Variants in EIF4G3 observed in about 807,000 individuals in gnomAD.
The protein encoded by EIF4G3 is eIF-4-gamma 3.
Under a neutral mutation model 186.4 loss-of-function variants are expected in EIF4G3, and 34 were observed. That is an observed-to-expected ratio of 0.18 (90% CI 0.14 to 0.24). The LOEUF is 0.24. Among genes scored for constraint, EIF4G3 ranks in the 10% least tolerant of loss-of-function variants. The pLI is 1.00. For synonymous variants in EIF4G3, 673 were observed against 679.5 expected, an observed-to-expected ratio of 0.99 and a Z score of 0.15; for missense variants, 1,536 against 1,948.5, an observed-to-expected ratio of 0.79 and a Z score of 3.99.
At chr1:21,091,076 G>A (rs1054952780) in intron 2 of EIF4G3, among the ~76,000 whole-genome samples, 17 of 152,046 alleles carry the variant, frequency 1.1e-4, no homozygotes, top group East Asian at 1.9e-4. Flanking sequence ...CAAAGATACC[G>A]AACAGGATTT....
chr1:20,817,285 AAT>A lies in EIF4G3; in HGVS notation c.4515+105_4515+106del, dbSNP rs982354348. On this transcript the variant is annotated intron_variant, in intron 34 of 36. Coordinates refer to ENST00000602326, the MANE Select transcript of EIF4G3 (RefSeq NM_001391906.1). ...ATAAAAAAATAAATAAATAAAAAAA[AAT>A]AAAAATAAAAATTCATGAAGTGAAC... 27 of 385,618 alleles carry A rather than the reference AAT, an allele frequency of 7.0e-5. No homozygotes were observed. In the African/African-American group the frequency reaches 7.3e-4, roughly 10 times the overall value. 23.9% of individuals were successfully genotyped at this position (385,618 alleles called of 1,614,324 possible).
chr1:21,144,969 G>C (rs1461276891), intron 2 of EIF4G3, among the ~76,000 whole-genome samples: 1 of 152,104 alleles, frequency 6.6e-6, no homozygotes, highest in Non-Finnish European at 1.5e-5. Context: ...TTTTCTGCTA[G>C]CTAGAGTAAT....
At chr1:20,940,099 AC>A in intron 14 of EIF4G3, among the ~76,000 whole-genome samples, 1 of 151,506 alleles carries the variant, frequency 6.6e-6, no homozygotes, top group Admixed American at 6.6e-5. Context: ...CAGGCAATCC[AC>A]CTACCTCGGC....
At chr1:20,904,829 C>T (rs2091578646) in intron 15 of EIF4G3, 54 bp downstream of exon 15, 3 of 1,371,150 alleles carry the variant, frequency 2.2e-6, no homozygotes, top group Non-Finnish European at 3.1e-6. Context: ...AAACACATAC[C>T]TGTCTATGAA....
At chr1:21,010,419 C>CAAAAAAAAAAAA (rs11318361) in intron 4 of EIF4G3, among the ~76,000 whole-genome samples, 2 of 100,972 alleles carry the variant, frequency 2.0e-5, no homozygotes, top group East Asian at 3.5e-4. Flanking sequence ...GACTCTGTCT[C>CAAAAAAAAAAAA]AAAAAAAAAA....
intron 19 of EIF4G3, among the ~76,000 whole-genome samples, chr1:20,882,696 A>G (rs2082785537): frequency 6.6e-6 from 1 of 151,962 alleles, no homozygotes; most frequent in Admixed American, 6.6e-5. Context: ...AGTCCCAGCT[A>G]CTTGGAAGGC....
In EIF4G3 at chr1:20,810,949, C is replaced by T; in HGVS notation, c.4598-65G>A. ...TTAACATAGAATTATCTTTAATTTT[C>T]TTTCTTTTTTCTTTTTTTGAGACAG... On this transcript the variant is annotated intron_variant, in intron 35 of 36. Transcript: ENST00000602326. The surrounding 1 kb of genome is among the most constrained non-coding windows in gnomAD (Gnocchi z 4.1). 6.6e-7 allele frequency: 1 copy of T among 1,518,402 alleles called. No individual in the cohort carries two copies. Among genetic ancestry groups the T allele is most frequent in the Non-Finnish European group, 8.9e-7 (1 of 1,117,902 alleles). 94.1% of individuals were successfully genotyped at this position (1,518,402 alleles called of 1,614,324 possible). A position where few individuals can be genotyped will look rare whatever the true frequency, so the allele number is the denominator to read the frequency against.
At chr1:20,857,744 A>C (rs2075373126) in intron 24 of EIF4G3, among the ~76,000 whole-genome samples, 1 of 152,246 alleles carries the variant, frequency 6.6e-6, no homozygotes, top group Non-Finnish European at 1.5e-5. Context: ...ACCTAGAAAC[A>C]AACAACTGAC....
At chr1:21,067,531 T>G (rs2095289613) in intron 3 of EIF4G3, among the ~76,000 whole-genome samples, 1 of 152,158 alleles carries the variant, frequency 6.6e-6, no homozygotes, top group Non-Finnish European at 1.5e-5. Flanking sequence ...TCATAAATGT[T>G]ATTAATCAGC....
chr1:20,845,633 G>T (rs994955670), intron 29 of EIF4G3, among the ~76,000 whole-genome samples: 1 of 151,964 alleles, frequency 6.6e-6, no homozygotes, highest in Non-Finnish European at 1.5e-5. Flanking sequence ...CTGCACTCCA[G>T]CCTGGGCAAC....
intron 12 of EIF4G3, among the ~76,000 whole-genome samples, chr1:20,953,751 T>TC (rs1275165933): frequency 3.9e-5 from 6 of 152,348 alleles, no homozygotes; most frequent in African/African-American, 1.4e-4. Flanking sequence ...TGGGGCCATA[T>TC]ACCTGATTTT....
rs1459934568 is a variant in EIF4G3, at chr1:21,060,845, T to A, written c.-195-9851A>T. ...CATCTTGGCCACAACTAATGGTGGCTTAGAACACGGTAGTAACAAGATACT... is the reference window on the plus strand; with the variant it reads ...CATCTTGGCCACAACTAATGGTGGCATAGAACACGGTAGTAACAAGATACT... On this transcript the variant is annotated intron_variant, in intron 3 of 36. Transcript: ENST00000602326. Among the ~76,000 whole-genome samples, 3 of 151,740 alleles carry A rather than the reference T, an allele frequency of 2.0e-5. No homozygotes were observed. The East Asian group carries it at 5.8e-4, about 29-fold the overall frequency.
At chr1:21,092,214 T>A (rs1483673531) in intron 2 of EIF4G3, among the ~76,000 whole-genome samples, 1 of 152,190 alleles carries the variant, frequency 6.6e-6, no homozygotes, top group Non-Finnish European at 1.5e-5. Flanking sequence ...GCTGTTGAAT[T>A]TTGTCAAAGG....
At chr1:20,913,071 A>C (rs1337529117) in intron 14 of EIF4G3, among the ~76,000 whole-genome samples, 4 of 152,232 alleles carry the variant, frequency 2.6e-5, no homozygotes, top group Non-Finnish European at 4.4e-5. Context: ...AGTTAGGTCT[A>C]GTGTTTTTCC....
intron 27 of EIF4G3, among the ~76,000 whole-genome samples, 160 bp from the exon 28 acceptor site, chr1:20,851,638 C>T (rs1045083967): frequency 6.6e-6 from 1 of 152,156 alleles, no homozygotes; most frequent in Non-Finnish European, 1.5e-5. Flanking sequence ...GTTTATTCAA[C>T]AAACAAGTAA....
intron 3 of EIF4G3, among the ~76,000 whole-genome samples, chr1:21,063,876 A>ATTT (rs529362148): frequency 3.0e-4 from 41 of 136,404 alleles, no homozygotes; most frequent in Non-Finnish European, 4.9e-4. Flanking sequence ...CACCCAGCTA[A>ATTT]TTTTTTTTTT....
intron 14 of EIF4G3, among the ~76,000 whole-genome samples, chr1:20,913,588 C>T (rs1232149900): frequency 6.6e-6 from 1 of 152,122 alleles, no homozygotes; most frequent in African/African-American, 2.4e-5. Flanking sequence ...TTCTAGCTTT[C>T]ATGTTAAATA....
At chr1:20,980,924 A>G in intron 9 of EIF4G3, 124 bp downstream of exon 9, 1 of 716,208 alleles carries the variant, frequency 1.4e-6, no homozygotes, top group Non-Finnish European at 2.1e-6. Context: ...ATTTGTAACC[A>G]ACAAAACAGT....
In EIF4G3 at chr1:21,025,096, T is replaced by A. The variant is rs1001772096; in HGVS notation, c.-66-22288A>T. ...CATGTGTAGGCAAAACAAGGAATAT[T>A]TTAAACAGAAGCACAAAGACCTGAA... On this transcript the variant is annotated intron_variant, in intron 4 of 36. Coordinates refer to ENST00000602326, the MANE Select transcript of EIF4G3 (RefSeq NM_001391906.1). Among the ~76,000 whole-genome samples the A allele has an allele frequency of 9.2e-5, 14 of 152,114 alleles. No individual in the cohort carries two copies. The South Asian group carries it at 2.9e-3, about 32-fold the overall frequency.
Sources: allele counts gnomAD v4.1 joint callset (sites outside exome capture counted in the v4.1 genomes callset), GRCh38; gene constraint gnomAD v4.1.1; non-coding constraint Gnocchi (gnomAD v3.1); transcripts MANE v1.5; gene names NCBI Gene and HGNC (gene_info 2026-07-23, HGNC 2026-07-21).